Variants in ZBED3 observed in about 807,000 individuals in gnomAD.
ZBED3 encodes zinc finger BED domain-containing protein 3.
For synonymous variants in ZBED3, 175 were observed against 180.0 expected, an observed-to-expected ratio of 0.97 and a Z score of 0.22; for missense variants, 388 against 362.9, an observed-to-expected ratio of 1.07 and a Z score of -0.56.
At chr5:77,078,212 CTG>C (rs1203446794) in intron 2 of ZBED3, among the ~76,000 whole-genome samples, 1 of 152,184 alleles carries the variant, frequency 6.6e-6, no homozygotes, top group Non-Finnish European at 1.5e-5. Context: ...TAACTCCGTG[CTG>C]TGTCTGTATT....
rs994050901 is a variant in ZBED3 at position 77,072,163 on chromosome 5, T to C, written c.*5011A>G. 7 of 152,226 alleles carry C rather than the reference T, an allele frequency of 4.6e-5. No homozygotes were observed. The highest frequency in any genetic ancestry group is 1.7e-4 in the African/African-American group (7 of 41,458). 9.4% of individuals were successfully genotyped at this position (152,226 alleles called of 1,614,324 possible). Reference sequence around the variant, plus strand: ...TTTTATAAAAAGAAACCTTTAATACTATTTAAACATATAATGACTCCCAGT... The same window carrying C: ...TTTTATAAAAAGAAACCTTTAATACCATTTAAACATATAATGACTCCCAGT... On this transcript the variant is annotated 3_prime_UTR_variant, in exon 3 of 3. Coordinates refer to ENST00000255198, the MANE Select transcript of ZBED3 (RefSeq NM_032367.4).
chr5:77,084,577 G>A (rs998399206), intron 1 of ZBED3, among the ~76,000 whole-genome samples: 2 of 152,128 alleles, frequency 1.3e-5, no homozygotes, highest in Admixed American at 6.5e-5. Flanking sequence ...TATCAGCAGC[G>A]CGAAAACAGA....
chr5:77,083,506 AT>A (rs1743173806), intron 1 of ZBED3, among the ~76,000 whole-genome samples: 1 of 152,220 alleles, frequency 6.6e-6, no homozygotes, highest in Non-Finnish European at 1.5e-5. Context: ...GTCAAGAGAA[AT>A]AATAAGATTA....
intron 2 of ZBED3, 80 bp downstream of exon 2, chr5:77,078,514 C>A (rs1295509200): frequency 1.3e-5 from 2 of 152,150 alleles, no homozygotes; most frequent in African/African-American, 4.8e-5. Context: ...ATGAGAAAAT[C>A]GGCAGTACTG....
Position 77,087,152 on chromosome 5 carries a change from G to A in ZBED3, c.-194C>T, listed in dbSNP as rs1053020040. The stretch of plus-strand genomic sequence containing the variant: ...CGCGGCCGGAGCCGGCGGCGGGTCG[G>A]GAGTCCGAGATGGTAGATCCCCCTC... On this transcript the variant is annotated 5_prime_UTR_variant, in exon 1 of 3. Coordinates refer to ENST00000255198, the MANE Select transcript of ZBED3 (RefSeq NM_032367.4). The A allele has an allele frequency of 1.3e-5, 2 of 152,438 alleles. No individual in the cohort carries two copies. The highest frequency in any genetic ancestry group is 2.9e-5 in the Non-Finnish European group (2 of 68,232). The allele number at this position is 152,438 out of a possible 1,614,324, so 9.4% of individuals were successfully genotyped here.
rs1276331802 is a variant in ZBED3, at chr5:77,075,694, A to G, written c.*1480T>C. ...TTTTCTGGATGTGTGGAATTTTTCA[A>G]TATAAAAAAATAAGAAAAAAAAGAG... is the stretch of plus-strand genomic sequence containing the variant. On this transcript the variant is annotated 3_prime_UTR_variant, in exon 3 of 3. Coordinates refer to ENST00000255198, the MANE Select transcript of ZBED3 (RefSeq NM_032367.4). The G allele has an allele frequency of 4.0e-5, 6 of 151,602 alleles. No homozygotes were observed. Among genetic ancestry groups the G allele is most frequent in the East Asian group, 3.9e-4 (2 of 5,178 alleles). 9.4% of individuals were successfully genotyped at this position (151,602 alleles called of 1,614,324 possible). A position where few individuals can be genotyped will look rare whatever the true frequency, so the allele number is the denominator to read the frequency against.
At position 77,077,409 on chromosome 5, in the gene ZBED3, ACGGCCAGCTCGCGCCGCTCCAGCTCCCG is replaced by A; in HGVS notation, c.442_469del (p.Arg148TrpfsTer43). ...CTCCAGGGCGCGCTCGCCCTGCTCC[ACGGCCAGCTCGCGCCGCTCCAGCTCCCG>A]CTCCCGCCGGCTGCCGCGCACGGCC... On this transcript the variant is annotated frameshift_variant, in exon 3 of 3. Transcript: ENST00000255198. LOFTEE classifies it low-confidence loss of function (END_TRUNC). 1 of 1,243,458 alleles carries A rather than the reference ACGGCCAGCTCGCGCCGCTCCAGCTCCCG, an allele frequency of 8.0e-7. No individual in the cohort carries two copies. The highest frequency in any genetic ancestry group is 3.6e-5 in the East Asian group (1 of 27,698). 77.0% of individuals were successfully genotyped at this position (1,243,458 alleles called of 1,614,324 possible). A position where few individuals can be genotyped will look rare whatever the true frequency, so the allele number is the denominator to read the frequency against.
chr5:77,076,973 T>G lies in ZBED3; in HGVS notation c.*201A>C. The G allele has an allele frequency of 2.5e-6, 1 of 401,234 alleles. No homozygotes were observed. Among genetic ancestry groups the G allele is most frequent in the Non-Finnish European group, 4.3e-6 (1 of 234,996 alleles). 24.9% of individuals were successfully genotyped at this position (401,234 alleles called of 1,614,324 possible). A position where few individuals can be genotyped will look rare whatever the true frequency, so the allele number is the denominator to read the frequency against. ...GGCACCCCCGGTGACCCCATGGAAG[T>G]GAGTTTTGGTTCTGCTCTGGCTTCG... On this transcript the variant is annotated 3_prime_UTR_variant, in exon 3 of 3. Coordinates refer to ENST00000255198, the MANE Select transcript of ZBED3 (RefSeq NM_032367.4).
In ZBED3 at chr5:77,076,209, A is replaced by C. The variant is rs948485508; in HGVS notation, c.*965T>G. 7 of 151,178 alleles carry C rather than the reference A, an allele frequency of 4.6e-5. No homozygotes were observed. Among genetic ancestry groups the C allele is most frequent in the African/African-American group, 1.7e-4 (7 of 41,034 alleles). 9.4% of individuals were successfully genotyped at this position (151,178 alleles called of 1,614,324 possible). ...AAGGGAGACTGCACATTGCTGAGGA[A>C]GAAGAGCCTGGGGGAAAGGGAGGGA... On this transcript the variant is annotated 3_prime_UTR_variant, in exon 3 of 3. Coordinates refer to ENST00000255198, the MANE Select transcript of ZBED3 (RefSeq NM_032367.4).
rs1225290984 is a variant in ZBED3 at position 77,075,941 on chromosome 5, A to T, written c.*1233T>A. The T allele has an allele frequency of 1.8e-4, 2 of 11,024 alleles. No individual in the cohort carries two copies. Among genetic ancestry groups the T allele is most frequent in the African/African-American group, 7.5e-4 (2 of 2,672 alleles). The allele number at this position is 11,024 out of a possible 1,614,324, so 0.7% of individuals were successfully genotyped here. ...CACCCTAGAACTTAAAGTATTATAT[A>T]TACATATATATATATATATATATAT... On this transcript the variant is annotated 3_prime_UTR_variant, in exon 3 of 3. Coordinates refer to ENST00000255198, the MANE Select transcript of ZBED3 (RefSeq NM_032367.4).
Position 77,077,805 on chromosome 5 carries a change from T to C in ZBED3, c.74A>G (p.Gln25Arg), listed in dbSNP as rs1417585318. 14 of 1,302,040 alleles carry C rather than the reference T, an allele frequency of 1.1e-5. No individual in the cohort carries two copies. The East Asian group carries it at 1.2e-4, about 12-fold the overall frequency. 80.7% of individuals were successfully genotyped at this position (1,302,040 alleles called of 1,614,324 possible). ...GLDDAAARGG[Q>R]CPGLGPAPTP... ...CGGCGCCGGCCCCAGTCCCGGACAC[T>C]GACCGCCCCGCGCCGCCGCGTCGTC... Residue 25 changes from glutamine (Q) to arginine (R), a missense_variant, in exon 3 of 3, where the codon CAG (glutamine) becomes CGG (arginine). Gln to Arg is a conservative substitution (Grantham distance 43). Transcript: ENST00000255198.
chr5:77,077,224 C>A lies in ZBED3; in HGVS notation c.655G>T (p.Asp219Tyr). 1.3e-6 allele frequency: 2 copies of A among 1,493,820 alleles called. No homozygotes were observed. Among genetic ancestry groups the A allele is most frequent in the East Asian group, 2.8e-5 (1 of 35,622 alleles). 92.5% of individuals were successfully genotyped at this position (1,493,820 alleles called of 1,614,324 possible). A position where few individuals can be genotyped will look rare whatever the true frequency, so the allele number is the denominator to read the frequency against. ...APAAPPPLKDDPEGDRDGCVI... is the reference protein window; with the variant it reads ...APAAPPPLKDYPEGDRDGCVI... ...CAGCCGTCCCTGTCACCCTCGGGGT[C>A]GTCCTTGAGCGGCGGCGGCGCAGCG... is the stretch of plus-strand genomic sequence containing the variant. Residue 219 changes from aspartate (D) to tyrosine (Y), a missense_variant, in exon 3 of 3, where the codon GAC becomes TAC. Coordinates refer to ENST00000255198, the MANE Select transcript of ZBED3 (RefSeq NM_032367.4).
In ZBED3 at chr5:77,077,391, G is replaced by T. The variant is rs1307572192; in HGVS notation, c.488C>A (p.Ala163Asp). The T allele has an allele frequency of 8.0e-7, 1 of 1,251,378 alleles. No individual in the cohort carries two copies. The allele number at this position is 1,251,378 out of a possible 1,614,324, so 77.5% of individuals were successfully genotyped here. The stretch of plus-strand genomic sequence containing the variant: ...CAGCGCCCTCCGCCTCCGCTCCAGG[G>T]CGCGCTCGCCCTGCTCCACGGCCAG... ...RELAVEQGER[A>D]LERRRRALQE... Residue 163 changes from alanine (A) to aspartate (D), a missense_variant, in exon 3 of 3, where the codon GCC becomes GAC. Physicochemically the swap from Ala to Asp is moderately radical, Grantham distance 126. Coordinates refer to ENST00000255198, the MANE Select transcript of ZBED3 (RefSeq NM_032367.4).
At chr5:77,083,194 T>G (rs1192475330) in intron 1 of ZBED3, among the ~76,000 whole-genome samples, 1 of 152,196 alleles carries the variant, frequency 6.6e-6, no homozygotes, top group Non-Finnish European at 1.5e-5. Flanking sequence ...CTCAAGCATG[T>G]GAGCTCAGGC....
chr5:77,085,873 G>A (rs944865117), intron 1 of ZBED3, among the ~76,000 whole-genome samples: 1 of 152,190 alleles, frequency 6.6e-6, no homozygotes, highest in African/African-American at 2.4e-5. Flanking sequence ...CTGAGTTGGG[G>A]AATAAATGGT....
chr5:77,083,185 T>C (rs925419531), intron 1 of ZBED3, among the ~76,000 whole-genome samples: 1 of 152,176 alleles, frequency 6.6e-6, no homozygotes, highest in Non-Finnish European at 1.5e-5. Flanking sequence ...CCTTGGCTCC[T>C]CAAGCATGTG....
intron 1 of ZBED3, among the ~76,000 whole-genome samples, chr5:77,081,798 T>A (rs1009091171): frequency 6.6e-6 from 1 of 152,160 alleles, no homozygotes; most frequent in South Asian, 2.1e-4. Flanking sequence ...CATCCAACTC[T>A]CATTCAAATG....
In ZBED3 at chr5:77,076,884, G is replaced by A. The variant is rs1056587; in HGVS notation, c.*290C>T. ...GTGGTCTGGGTTCACGGGGCTCCTG[G>A]AGCTCTCGGGTGTCCCGTGTGCCAC... On this transcript the variant is annotated 3_prime_UTR_variant, in exon 3 of 3. Coordinates refer to ENST00000255198, the MANE Select transcript of ZBED3 (RefSeq NM_032367.4). 0.24 allele frequency: 60,803 copies of A among 251,060 alleles called. 8,131 individuals carry two copies. The highest frequency in any genetic ancestry group is 0.28 in the Non-Finnish European group (37,534 of 132,706). 15.6% of individuals were successfully genotyped at this position (251,060 alleles called of 1,614,324 possible).
Position 77,077,515 on chromosome 5 carries a change from C to G in ZBED3, c.364G>C (p.Ala122Pro), listed in dbSNP as rs1743044487. 2 of 1,198,182 alleles carry G rather than the reference C, an allele frequency of 1.7e-6. No individual in the cohort carries two copies. The highest frequency in any genetic ancestry group is 8.1e-5 in the South Asian group (2 of 24,584). 74.2% of individuals were successfully genotyped at this position (1,198,182 alleles called of 1,614,324 possible). The change falls in exon 3 of 3, where the codon GCT becomes CCT. Residue 122 changes from alanine to proline, a missense_variant. Transcript: ENST00000255198. ...AAPCPPPPGP[A>P]AAPEGDWARL... ...GCCCAGTCGCCCTCGGGGGCCGCAG[C>G]GGGGCCGGGCGGCGGCGGGCAGGGC...
Sources: gnomAD v4.1 joint callset for allele counts (sites outside exome capture counted in the v4.1 genomes callset) on GRCh38, gnomAD v4.1.1 for gene constraint, MANE v1.5 for transcripts, NCBI Gene and HGNC (gene_info 2026-07-23, HGNC 2026-07-21) for gene names.